The following PCDH7 variants were observed in gnomAD, a reference collection of about 807,000 sequenced individuals.
PCDH7 encodes protocadherin 7.
Under a neutral mutation model 58.9 loss-of-function variants are expected in PCDH7, and 17 were observed. The ratio of observed to expected loss-of-function variants is 0.29; its 90% CI spans 0.20 to 0.43. PCDH7 has a LOEUF of 0.43. Ranked by LOEUF, PCDH7 falls within the 20% of genes least tolerant of loss-of-function variation. The pLI is 1.00. For synonymous variants in PCDH7, 664 were observed against 616.4 expected, an observed-to-expected ratio of 1.08 and a Z score of -1.14; for missense variants, 1,274 against 1,441.0, an observed-to-expected ratio of 0.88 and a Z score of 1.88.
chr4:31,009,376 G>A (rs1270025770), intron 3 of PCDH7, among the ~76,000 whole-genome samples: 1 of 151,914 alleles, frequency 6.6e-6, no homozygotes, highest in African/African-American at 2.4e-5. Context: ...CTGAAAGCAA[G>A]TGCAGTAACA....
intron 3 of PCDH7, among the ~76,000 whole-genome samples, chr4:31,078,185 G>A (rs1759164641): frequency 6.6e-6 from 1 of 152,186 alleles, no homozygotes; most frequent in South Asian, 2.1e-4. Context: ...TGCATTGGGA[G>A]GGACGCAGCA....
At chr4:31,025,910 A>T (rs1754385398) in intron 3 of PCDH7, among the ~76,000 whole-genome samples, 1 of 152,348 alleles carries the variant, frequency 6.6e-6, no homozygotes, top group African/African-American at 2.4e-5. Context: ...TTTCCAGGAC[A>T]TACAGACTAA....
At chr4:30,960,514 A>T (rs1340092356) in intron 3 of PCDH7, among the ~76,000 whole-genome samples, 1 of 152,244 alleles carries the variant, frequency 6.6e-6, no homozygotes, top group South Asian at 2.1e-4. Flanking sequence ...ACTCTTACAC[A>T]GTAGTCACAA....
At chr4:31,076,711 A>G (rs1408821969) in intron 3 of PCDH7, among the ~76,000 whole-genome samples, 1 of 152,188 alleles carries the variant, frequency 6.6e-6, no homozygotes, top group Non-Finnish European at 1.5e-5. Context: ...CAATTATTTT[A>G]TGAAGATCTA....
chr4:31,097,638 A>ATATATATATATC (rs370034723), intron 3 of PCDH7, among the ~76,000 whole-genome samples: 3 of 79,208 alleles, frequency 3.8e-5, no homozygotes, highest in Admixed American at 1.3e-4. Context: ...ATATATATAT[A>ATATATATATATC]AATCTTTTTT....
intron 3 of PCDH7, among the ~76,000 whole-genome samples, chr4:31,137,824 T>C (rs1478502179): frequency 6.6e-6 from 1 of 152,156 alleles, no homozygotes; most frequent in Non-Finnish European, 1.5e-5. Flanking sequence ...GTTTTACATA[T>C]CTGATCTTTA....
At chr4:30,856,025 T>G (rs1425516762) in intron 1 of PCDH7, among the ~76,000 whole-genome samples, 1 of 152,048 alleles carries the variant, frequency 6.6e-6, no homozygotes, top group Non-Finnish European at 1.5e-5. Flanking sequence ...ACCCTCTTGA[T>G]TTTTTTCCCT....
intron 1 of PCDH7, among the ~76,000 whole-genome samples, chr4:30,783,721 T>G (rs1313387836): frequency 6.6e-6 from 1 of 152,174 alleles, no homozygotes; most frequent in Non-Finnish European, 1.5e-5. Context: ...CATAATTCAG[T>G]TTTCTTCTCC....
intron 3 of PCDH7, among the ~76,000 whole-genome samples, chr4:31,084,980 C>T (rs1005934769): frequency 2.0e-5 from 3 of 152,130 alleles, no homozygotes; most frequent in Non-Finnish European, 4.4e-5. Flanking sequence ...ACCTTGCCCG[C>T]TGCCTAGACA....
chr4:30,928,523 G>A (rs566721967), intron 2 of PCDH7, among the ~76,000 whole-genome samples: 5 of 151,986 alleles, frequency 3.3e-5, no homozygotes, highest in South Asian at 2.1e-4. Context: ...AAAGAATCTC[G>A]GCCTTTAAGA....
intron 3 of PCDH7, among the ~76,000 whole-genome samples, chr4:31,105,640 G>T (rs1490330863): frequency 6.6e-6 from 1 of 152,140 alleles, no homozygotes; most frequent in Admixed American, 6.6e-5. Context: ...TTGTGTGTGT[G>T]TTAAACTTGG....
intron 1 of PCDH7, among the ~76,000 whole-genome samples, chr4:30,824,657 A>G (rs941727731): frequency 6.6e-6 from 1 of 152,102 alleles, no homozygotes; most frequent in African/African-American, 2.4e-5. Flanking sequence ...AGGAGGAAAC[A>G]ATACAGGCCC....
At chr4:31,075,692 T>C (rs1319621564) in intron 3 of PCDH7, among the ~76,000 whole-genome samples, 1 of 152,200 alleles carries the variant, frequency 6.6e-6, no homozygotes, top group Non-Finnish European at 1.5e-5. Flanking sequence ...TGTCTGACTA[T>C]CTGATATGGG....
intron 1 of PCDH7, among the ~76,000 whole-genome samples, chr4:30,759,528 T>C (rs1336085722): frequency 6.6e-6 from 1 of 152,158 alleles, no homozygotes; most frequent in African/African-American, 2.4e-5. Context: ...AAGTTCATAT[T>C]TTCTAGGAAG....
intron 2 of PCDH7, among the ~76,000 whole-genome samples, chr4:30,933,361 G>A (rs1429435475): frequency 1.3e-5 from 2 of 151,950 alleles, no homozygotes; most frequent in Admixed American, 6.6e-5. Context: ...GCCTGATGAG[G>A]CTTGCAGAAA....
intron 1 of PCDH7, among the ~76,000 whole-genome samples, chr4:30,905,300 C>A (rs1182247562): frequency 2.0e-5 from 3 of 152,050 alleles, no homozygotes; most frequent in Admixed American, 6.6e-5. Flanking sequence ...TTCAGCATTG[C>A]TCCCTTGAAC....
Position 31,046,707 on chromosome 4 carries a change from G to A in PCDH7, c.*8-95766G>A, listed in dbSNP as rs563321443. On this transcript the variant is annotated intron_variant, in intron 3 of 3. Transcript: ENST00000509759. ...TTAGATTTAATTATTCAAAGAGGCCGAATCTATTGAGTTAAATATTCCAAA... is the reference window on the plus strand; with the variant it reads ...TTAGATTTAATTATTCAAAGAGGCCAAATCTATTGAGTTAAATATTCCAAA... Among the ~76,000 whole-genome samples the A allele has an allele frequency of 4.5e-4, 69 of 151,964 alleles. 1 individual carries two copies. Among genetic ancestry groups the A allele is most frequent in the African/African-American group, 1.6e-3 (67 of 41,502 alleles).
chr4:30,932,599 A>G (rs1307166957), intron 2 of PCDH7, among the ~76,000 whole-genome samples: 1 of 152,190 alleles, frequency 6.6e-6, no homozygotes, highest in Non-Finnish European at 1.5e-5. Flanking sequence ...TTCATGGAAA[A>G]TCTCTACTAA....
intron 2 of PCDH7, among the ~76,000 whole-genome samples, chr4:30,926,270 C>T (rs1307141199): frequency 6.6e-6 from 1 of 151,960 alleles, no homozygotes; most frequent in African/African-American, 2.4e-5. Context: ...CCGCAAGTTC[C>T]GCCTCCTGCG....
Sources: allele counts gnomAD v4.1 joint callset (sites outside exome capture counted in the v4.1 genomes callset), GRCh38; gene constraint gnomAD v4.1.1; transcripts MANE v1.5; gene names NCBI Gene and HGNC (gene_info 2026-07-23, HGNC 2026-07-21).